The following TCF4 variants were observed in gnomAD, a reference collection of about 807,000 sequenced individuals.
TCF4 encodes SL3-3 enhancer factor 2.
In TCF4, 3 loss-of-function variants were observed where a neutral mutation model predicts 82.1. The observed-to-expected ratio is 0.04, with a 90% CI of 0.02 to 0.09. The LOEUF is 0.09. Ranked by LOEUF, TCF4 falls within the 10% of genes least tolerant of loss-of-function variation. The probability of loss-of-function intolerance (pLI) is 1.00; values close to 1 mark genes in which losing one functional copy is unlikely to be tolerated. For missense variants in TCF4, 518 were observed against 852.7 expected (o/e 0.61, Z 4.89); for synonymous variants, 276 against 309.6 (o/e 0.89, Z 1.14).
At chr18:55,544,352 G>A (rs2097187954) in intron 3 of TCF4, among the ~76,000 whole-genome samples, 1 of 152,270 alleles carries the variant, frequency 6.6e-6, no homozygotes, top group South Asian at 2.1e-4. Context: ...ATACTAGGGG[G>A]CTGAGTATCA....
chr18:55,461,652 A>T (rs2095869743), intron 4 of TCF4, among the ~76,000 whole-genome samples: 1 of 152,184 alleles, frequency 6.6e-6, no homozygotes. Flanking sequence ...CACATAAGTA[A>T]TTAACACATA....
intron 5 of TCF4, among the ~76,000 whole-genome samples, chr18:55,424,583 G>A (rs761256211): frequency 2.5e-4 from 38 of 151,996 alleles, no homozygotes; most frequent in Non-Finnish European, 4.9e-4. Flanking sequence ...ACTAAGGGGG[G>A]AGCAGAGAAA....
intron 3 of TCF4, among the ~76,000 whole-genome samples, chr18:55,541,858 C>T (rs1432792776): frequency 1.3e-5 from 2 of 151,910 alleles, no homozygotes; most frequent in Non-Finnish European, 2.9e-5. Flanking sequence ...TTATTTAACA[C>T]AGTTAGAAAA....
chr18:55,404,167 G>T, intron 5 of TCF4: 2 of 411,414 alleles, frequency 4.9e-6, no homozygotes, highest in Non-Finnish European at 7.0e-6. Context: ...CATGGAATGT[G>T]AATGTCTTGT....
chr18:55,241,970 T>C (rs903755752), intron 15 of TCF4, among the ~76,000 whole-genome samples: 4 of 152,190 alleles, frequency 2.6e-5, no homozygotes, highest in Non-Finnish European at 5.9e-5. Flanking sequence ...TATTTTTAAA[T>C]TCCTCACTAT....
At position 55,525,270 on chromosome 18, in the gene TCF4, T is replaced by G. The variant is rs145183554; in HGVS notation, c.145+60010A>C. Reference sequence around the variant, plus strand: ...AAAAATCTCAATTACATGACATCGCTTCTTCATTCCACGTAACCTTTGATT... The same window carrying G: ...AAAAATCTCAATTACATGACATCGCGTCTTCATTCCACGTAACCTTTGATT... On this transcript the variant is annotated intron_variant, in intron 3 of 19. Coordinates refer to ENST00000354452, the MANE Select transcript of TCF4 (RefSeq NM_001083962.2). Among the ~76,000 whole-genome samples, 187 of 152,262 alleles carry G rather than the reference T, an allele frequency of 1.2e-3. 2 individuals are homozygous for G. The highest frequency in any genetic ancestry group is 4.3e-3 in the African/African-American group (178 of 41,552).
In TCF4 at chr18:55,284,622, C is replaced by G. The variant is rs534317211; in HGVS notation, c.550-4966G>C. Among the ~76,000 whole-genome samples, 4 of 152,246 alleles carry G rather than the reference C, an allele frequency of 2.6e-5. No individual in the cohort carries two copies. In the East Asian group the frequency reaches 7.7e-4, roughly 29 times the overall value. ...TTACCACTCCTCCACGTTACTACCC[C>G]CTGGTGATTCTGCAAGTACCATCTG... is the stretch of plus-strand genomic sequence containing the variant. On this transcript the variant is annotated intron_variant, in intron 8 of 19. Transcript: ENST00000354452.
chr18:55,609,297 C>T (rs1439470877), intron 2 of TCF4, among the ~76,000 whole-genome samples: 1 of 152,148 alleles, frequency 6.6e-6, no homozygotes, highest in African/African-American at 2.4e-5. Context: ...TCAATGAAGC[C>T]ACTGCTGCTG....
intron 6 of TCF4, among the ~76,000 whole-genome samples, chr18:55,353,201 G>C (rs141982548): frequency 2.6e-4 from 39 of 152,224 alleles, no homozygotes; most frequent in Admixed American, 1.2e-3. Context: ...TTGCTATACT[G>C]TCTTTTAGCA....
intron 9 of TCF4, among the ~76,000 whole-genome samples, chr18:55,276,893 G>A (rs1157872327): frequency 6.6e-6 from 1 of 152,190 alleles, no homozygotes; most frequent in Non-Finnish European, 1.5e-5. Flanking sequence ...CCGGAAGTTA[G>A]AATTTTGTAA....
At chr18:55,388,099 A>G (rs1012809639) in intron 6 of TCF4, among the ~76,000 whole-genome samples, 1 of 152,248 alleles carries the variant, frequency 6.6e-6, no homozygotes, top group Non-Finnish European at 1.5e-5. Flanking sequence ...TGTTATAAAT[A>G]AAAGCTAAGT....
chr18:55,607,662 C>G (rs2097703351), intron 2 of TCF4, among the ~76,000 whole-genome samples: 1 of 152,174 alleles, frequency 6.6e-6, no homozygotes, highest in Non-Finnish European at 1.5e-5. Flanking sequence ...TTTTAAAAAT[C>G]AGAATAACTA....
Position 55,224,496 on chromosome 18 carries a change from T to G in TCF4, c.*3539A>C, listed in dbSNP as rs746232769. 1.9e-4 allele frequency: 29 copies of G among 152,618 alleles called. No individual in the cohort carries two copies. The highest frequency in any genetic ancestry group is 7.0e-4 in the African/African-American group (29 of 41,456). 9.5% of individuals were successfully genotyped at this position (152,618 alleles called of 1,614,324 possible). On this transcript the variant is annotated 3_prime_UTR_variant, in exon 20 of 20. Transcript: ENST00000354452. ...TTGTGCTTGTTTATGCTGAAATTGA[T>G]TCATTCCTGACTCAAGTTCACTTTT... is the stretch of plus-strand genomic sequence containing the variant.
chr18:55,509,350 C>G (rs181871950), intron 3 of TCF4, among the ~76,000 whole-genome samples: 12 of 152,236 alleles, frequency 7.9e-5, no homozygotes, highest in African/African-American at 2.9e-4. Context: ...CACACACACA[C>G]ACACAAACAC....
At chr18:55,373,744 C>T (rs897645879) in intron 6 of TCF4, among the ~76,000 whole-genome samples, 1 of 151,906 alleles carries the variant, frequency 6.6e-6, no homozygotes, top group Admixed American at 6.6e-5. Context: ...AACCGGGAGC[C>T]GGAGGTTGCA....
At chr18:55,358,675 G>T (rs1186531597) in intron 6 of TCF4, among the ~76,000 whole-genome samples, 2 of 152,176 alleles carry the variant, frequency 1.3e-5, no homozygotes, top group African/African-American at 4.8e-5. Flanking sequence ...CTGTAAACTT[G>T]TTTTTTCTCC....
At chr18:55,424,996 T>A (rs1044435321) in intron 5 of TCF4, among the ~76,000 whole-genome samples, 3 of 152,206 alleles carry the variant, frequency 2.0e-5, no homozygotes, top group Non-Finnish European at 4.4e-5. Flanking sequence ...TTAAAGGATT[T>A]ATGTCCCAAA....
At chr18:55,364,366 T>A (rs188649739) in intron 6 of TCF4, among the ~76,000 whole-genome samples, 1 of 152,314 alleles carries the variant, frequency 6.6e-6, no homozygotes, top group Admixed American at 6.5e-5. Context: ...AAAAAGCATG[T>A]TTTTAAAAGT....
chr18:55,401,376 A>C lies in TCF4; in HGVS notation c.369+2078T>G, dbSNP rs2093807755. On this transcript the variant is annotated intron_variant, in intron 6 of 19. Transcript: ENST00000354452. ...GCAAGACTCACAACCATGAAGCACA[A>C]ATTAAGAATGAAGGAATCTCCACAC... is the stretch of plus-strand genomic sequence containing the variant. 1.1e-5 allele frequency: 12 copies of C among 1,105,428 alleles called. No homozygotes were observed. The South Asian group carries it at 2.9e-4, about 27-fold the overall frequency. The allele number at this position is 1,105,428 out of a possible 1,614,324, so 68.5% of individuals were successfully genotyped here. A position where few individuals can be genotyped will look rare whatever the true frequency, so the allele number is the denominator to read the frequency against.
Sources: gnomAD v4.1 joint callset for allele counts (sites outside exome capture counted in the v4.1 genomes callset) on GRCh38, gnomAD v4.1.1 for gene constraint, MANE v1.5 for transcripts, NCBI Gene and HGNC (gene_info 2026-07-23, HGNC 2026-07-21) for gene names.